Variants in LIG1 observed in about 807,000 individuals in gnomAD.
LIG1 encodes ligase I, DNA, ATP-dependent.
LIG1 carries 70 observed loss-of-function variants against 115.7 expected under a neutral mutation model. The ratio of observed to expected loss-of-function variants is 0.60; its 90% CI spans 0.50 to 0.74. The LOEUF is 0.74. Among genes scored for constraint, LIG1 ranks in the 30% least tolerant of loss-of-function variants. The pLI is 0.00. For missense variants in LIG1, 1,115 were observed against 1,225.6 expected (o/e 0.91, Z 1.35); for synonymous variants, 487 against 495.3 (o/e 0.98, Z 0.22).
intron 21 of LIG1, chr19:48,123,720 C>T (rs971119330): frequency 1.9e-5 from 6 of 309,240 alleles, no homozygotes; most frequent in Non-Finnish European, 3.1e-5. Flanking sequence ...TGAATTCAAG[C>T]GACTGTCTTG....
chr19:48,157,785 G>T (rs1216850770), intron 4 of LIG1, among the ~76,000 whole-genome samples: 1 of 152,158 alleles, frequency 6.6e-6, no homozygotes, highest in Non-Finnish European at 1.5e-5. Flanking sequence ...GAGCTCAAGC[G>T]ATCCTCCCGC....
rs2032732378 is a variant in LIG1 at position 48,115,551 on chromosome 19, C to T, written c.*98G>A. On this transcript the variant is annotated 3_prime_UTR_variant, in exon 28 of 28. Transcript: ENST00000263274. ...CCCCTCCCCTGACTCTCAAAATCCA[C>T]AGCCTGCCACAGCAGATTTGCTAAA... The T allele has an allele frequency of 1.1e-6, 1 of 899,496 alleles. No homozygotes were observed. Among genetic ancestry groups the T allele is most frequent in the Admixed American group, 1.9e-5 (1 of 51,364 alleles). The allele number at this position is 899,496 out of a possible 1,614,324, so 55.7% of individuals were successfully genotyped here.
intron 5 of LIG1, 94 bp downstream of exon 5, chr19:48,156,920 C>A (rs1389561693): frequency 8.5e-7 from 1 of 1,171,334 alleles, no homozygotes; most frequent in Non-Finnish European, 1.1e-6. Flanking sequence ...GCCTAGGCAA[C>A]AGAGCGAGAC....
intron 18 of LIG1, among the ~76,000 whole-genome samples, chr19:48,131,604 G>A (rs745942690): frequency 5.3e-5 from 8 of 151,954 alleles, no homozygotes; most frequent in East Asian, 2.0e-4. Context: ...GATTACAGGC[G>A]CCCACCACCA....
At chr19:48,123,659 C>A in intron 21 of LIG1, 1 of 353,836 alleles carries the variant, frequency 2.8e-6, no homozygotes, top group South Asian at 2.3e-5. Context: ...GCTCTGTCGC[C>A]CAGGCTGGAG....
intron 19 of LIG1, among the ~76,000 whole-genome samples, chr19:48,128,825 C>T (rs763142886): frequency 2.6e-5 from 4 of 152,208 alleles, no homozygotes; most frequent in Non-Finnish European, 5.9e-5. Flanking sequence ...TGCAGTGGTG[C>T]GATCTTGGCT....
intron 15 of LIG1, 117 bp from the exon 16 acceptor site, chr19:48,135,896 C>A: frequency 1.1e-6 from 1 of 916,134 alleles, no homozygotes. Context: ...AAGACGCCCC[C>A]TCCCCCCCAC....
intron 4 of LIG1, among the ~76,000 whole-genome samples, chr19:48,157,694 G>A (rs1003735091): frequency 1.3e-5 from 2 of 152,004 alleles, no homozygotes; most frequent in Admixed American, 6.5e-5. Flanking sequence ...ACAGGCGCCC[G>A]CCACCACGCC....
At chr19:48,157,252 C>T (rs988462525) in intron 4 of LIG1, 112 bp from the exon 5 acceptor site, 17 of 1,256,640 alleles carry the variant, frequency 1.4e-5, no homozygotes, top group East Asian at 2.6e-5. Flanking sequence ...CTTTCTGACC[C>T]TATGGTCTCA....
chr19:48,144,696 G>A (rs191559206), intron 9 of LIG1, among the ~76,000 whole-genome samples: 133 of 152,220 alleles, frequency 8.7e-4, no homozygotes, highest in Non-Finnish European at 1.2e-3. Flanking sequence ...AAGAGACGAG[G>A]TTTCACCATG....
intron 2 of LIG1, 47 bp from the exon 3 acceptor site, chr19:48,162,398 A>C: frequency 7.5e-7 from 1 of 1,333,304 alleles, no homozygotes. Flanking sequence ...AACAGCACCA[A>C]TACCCTGCCT....
At chr19:48,130,848 C>T (rs893605256) in intron 19 of LIG1, among the ~76,000 whole-genome samples, 1 of 152,192 alleles carries the variant, frequency 6.6e-6, no homozygotes, top group Non-Finnish European at 1.5e-5. Flanking sequence ...TTCAGGGGGA[C>T]ATCAGTGCTC....
chr19:48,140,055 G>A lies in LIG1; in HGVS notation c.1003C>T (p.Leu335Phe), dbSNP rs144552403. Residue 335 changes from leucine to phenylalanine, a missense_variant, in exon 12 of 28, where the codon CTC becomes TTC. Coordinates refer to ENST00000263274, the MANE Select transcript of LIG1 (RefSeq NM_000234.3). ...PDLLPVLYLS[L>F]NHLGPPQQGL... ...TGCTGGGGTGGCCCAAGGTGGTTGA[G>A]GCTGAGGTAGAGGACAGGGAGGAGG... 1.9e-3 allele frequency: 3,005 copies of A among 1,614,088 alleles called. 2 individuals are homozygous for A. The highest frequency in any genetic ancestry group is 2.4e-3 in the Non-Finnish European group (2,855 of 1,180,036).
chr19:48,123,225 C>T lies in LIG1; in HGVS notation c.2098G>A (p.Asp700Asn), dbSNP rs747923235. ...EGEFVFATSL[D>N]TKDIEQIAEF... is the part of the protein sequence containing the mutation. ...GCGATCTGCTCGATGTCCTTGGTGT[C>T]CAGGGAGGTGGCGAAGACAAACTCG... Residue 700 changes from aspartate (D) to asparagine (N), a missense_variant, in exon 22 of 28, where the codon GAC (aspartate) becomes AAC (asparagine). By Grantham distance (23) the Asp-to-Asn change is conservative. Coordinates refer to ENST00000263274, the MANE Select transcript of LIG1 (RefSeq NM_000234.3). 59 of 1,613,992 alleles carry T rather than the reference C, an allele frequency of 3.7e-5. No homozygotes were observed. Among genetic ancestry groups the T allele is most frequent in the Non-Finnish European group, 4.8e-5 (57 of 1,180,036 alleles).
At chr19:48,140,165 T>C (rs763029954) in intron 11 of LIG1, 22 bp from the exon 12 acceptor site, 1 of 1,607,730 alleles carries the variant, frequency 6.2e-7, no homozygotes, top group South Asian at 1.1e-5. Flanking sequence ...GACGGGGGTA[T>C]GAACACGTGG....
chr19:48,162,295 G>C lies in LIG1; in HGVS notation c.74C>G (p.Ser25Cys), dbSNP rs1438428740. The C allele has an allele frequency of 1.9e-6, 3 of 1,613,944 alleles. No homozygotes were observed. The highest frequency in any genetic ancestry group is 2.5e-6 in the Non-Finnish European group (3 of 1,179,986). ...GGGCTCCGTCTCTCTGCTGCTATTG[G>C]ATGCCTCCTTCTCAGGCTTCTTTGC... ...GKAKKPEKEASNSSRETEPPP... is the reference protein window; with the variant it reads ...GKAKKPEKEACNSSRETEPPP... The change falls in exon 3 of 28, where the codon TCC becomes TGC. Residue 25 changes from serine to cysteine, a missense_variant. Ser to Cys is a moderately radical substitution (Grantham distance 112). Transcript: ENST00000263274.
At chr19:48,143,461 G>A (rs1171987194) in intron 11 of LIG1, 82 bp downstream of exon 11, 3 of 1,248,890 alleles carry the variant, frequency 2.4e-6, no homozygotes, top group African/African-American at 1.5e-5. Context: ...GGGTTTGGCG[G>A]AACAAGGCAG....
chr19:48,142,287 CAAA>C (rs1238647118), intron 11 of LIG1, among the ~76,000 whole-genome samples: 1 of 151,578 alleles, frequency 6.6e-6, no homozygotes, highest in Non-Finnish European at 1.5e-5. Flanking sequence ...AACACACACA[CAAA>C]AAATTAGTTG....
At chr19:48,132,366 TCC>T (rs2034080643) in intron 18 of LIG1, among the ~76,000 whole-genome samples, 1 of 152,030 alleles carries the variant, frequency 6.6e-6, no homozygotes, top group African/African-American at 2.4e-5. Flanking sequence ...TGTAGGCACC[TCC>T]CAGAACGGCT....
Sources: allele counts gnomAD v4.1 joint callset (sites outside exome capture counted in the v4.1 genomes callset), GRCh38; gene constraint gnomAD v4.1.1; transcripts MANE v1.5; gene names NCBI Gene and HGNC (gene_info 2026-07-23, HGNC 2026-07-21).